Variants in GRIK2 observed in about 807,000 individuals in gnomAD.
The protein encoded by GRIK2 is glutamate ionotropic receptor kainate type subunit 2.
Under a neutral mutation model 100.3 loss-of-function variants are expected in GRIK2, and 32 were observed. The observed-to-expected ratio is 0.32, with a 90% CI of 0.24 to 0.43. The LOEUF is 0.43. Ranked by LOEUF, GRIK2 falls within the 20% of genes least tolerant of loss-of-function variation. GRIK2 has a pLI of 1.00. For synonymous variants in GRIK2, 417 were observed against 389.4 expected, an observed-to-expected ratio of 1.07 and a Z score of -0.83; for missense variants, 843 against 1,114.9, an observed-to-expected ratio of 0.76 and a Z score of 3.47.
At chr6:101,957,282 C>T (rs1211954905) in intron 14 of GRIK2, among the ~76,000 whole-genome samples, 1 of 151,130 alleles carries the variant, frequency 6.6e-6, no homozygotes, top group Non-Finnish European at 1.5e-5. Context: ...TTTTTGGCTG[C>T]TTGTATGTCT....
At chr6:101,812,686 T>C (rs1434931698) in intron 9 of GRIK2, among the ~76,000 whole-genome samples, 1 of 152,044 alleles carries the variant, frequency 6.6e-6, no homozygotes, top group Non-Finnish European at 1.5e-5. Context: ...AGTTAAAATA[T>C]AATATGATAC....
At chr6:101,792,304 G>A (rs560475269) in intron 7 of GRIK2, among the ~76,000 whole-genome samples, 9 of 152,112 alleles carry the variant, frequency 5.9e-5, no homozygotes, top group South Asian at 2.1e-4. Flanking sequence ...TCCTAGTCTC[G>A]ATGGTCTTTA....
intron 14 of GRIK2, among the ~76,000 whole-genome samples, chr6:101,954,769 ACAC>A (rs1791813160): frequency 6.6e-6 from 1 of 152,140 alleles, no homozygotes; most frequent in African/African-American, 2.4e-5. Context: ...AGAAAGGTGT[ACAC>A]TGTTATCTTG....
At chr6:101,691,851 C>T (rs1256614828) in intron 7 of GRIK2, among the ~76,000 whole-genome samples, 1 of 151,886 alleles carries the variant, frequency 6.6e-6, no homozygotes, top group Non-Finnish European at 1.5e-5. Flanking sequence ...GAATTTAGCT[C>T]ATCCACTAAG....
chr6:101,413,285 G>A (rs7754933), intron 2 of GRIK2, among the ~76,000 whole-genome samples: 2,176 of 151,966 alleles, frequency 0.014, 51 homozygotes, highest in African/African-American at 0.051. Flanking sequence ...TGTGTTGGGG[G>A]TGTTATTCTT....
chr6:102,039,052 A>AT (rs1193102893), intron 15 of GRIK2, among the ~76,000 whole-genome samples: 3 of 151,184 alleles, frequency 2.0e-5, no homozygotes, highest in African/African-American at 7.3e-5. Flanking sequence ...CCCCTGCCCC[A>AT]TTTTCCCCCA....
At chr6:101,906,386 T>TGTGTGTGTGTGTGTGTG (rs1377806600) in intron 12 of GRIK2, among the ~76,000 whole-genome samples, 20 of 22,700 alleles carry the variant, frequency 8.8e-4, no homozygotes, top group South Asian at 1.7e-3. Flanking sequence ...GTGTGTGTGT[T>TGTGTGTGTGTGTGTGTG]TGTGTGTGTT....
At chr6:101,964,076 T>C (rs1489556610) in intron 14 of GRIK2, among the ~76,000 whole-genome samples, 1 of 151,012 alleles carries the variant, frequency 6.6e-6, no homozygotes, top group Non-Finnish European at 1.5e-5. Context: ...AAAAAATACA[T>C]ATAATTTGCT....
At chr6:101,853,586 A>G (rs566079476) in intron 10 of GRIK2, among the ~76,000 whole-genome samples, 9 of 152,312 alleles carry the variant, frequency 5.9e-5, no homozygotes, top group Non-Finnish European at 1.0e-4. Context: ...ATCCACCTTG[A>G]TATTTACCCA....
intron 2 of GRIK2, among the ~76,000 whole-genome samples, chr6:101,614,955 AG>A (rs1779828371): frequency 6.6e-6 from 1 of 151,688 alleles, no homozygotes; most frequent in Non-Finnish European, 1.5e-5. Context: ...AGGCTTTAGC[AG>A]TTGACTAATC....
At chr6:101,910,278 A>T (rs1242893255) in intron 12 of GRIK2, among the ~76,000 whole-genome samples, 3 of 151,282 alleles carry the variant, frequency 2.0e-5, no homozygotes, top group African/African-American at 7.3e-5. Flanking sequence ...TATTATAATT[A>T]AACAGTCATT....
chr6:101,715,928 C>CT (rs1233793515), intron 7 of GRIK2, among the ~76,000 whole-genome samples: 3 of 151,750 alleles, frequency 2.0e-5, no homozygotes. Context: ...TAACAAAACT[C>CT]TGTTAGTCAA....
chr6:101,771,739 G>A (rs1446207062), intron 7 of GRIK2, among the ~76,000 whole-genome samples: 1 of 134,560 alleles, frequency 7.4e-6, no homozygotes, highest in Admixed American at 8.7e-5. Context: ...GTGTCCATGT[G>A]TTCTCATTGT....
At chr6:101,614,512 C>A (rs904472678) in intron 2 of GRIK2, among the ~76,000 whole-genome samples, 7 of 151,370 alleles carry the variant, frequency 4.6e-5, no homozygotes, top group African/African-American at 1.7e-4. Flanking sequence ...AAAAATGATA[C>A]CCTAATGTCA....
At chr6:102,063,991 C>A in intron 16 of GRIK2, 2 of 1,558,292 alleles carry the variant, frequency 1.3e-6, no homozygotes, top group Non-Finnish European at 1.8e-6. Flanking sequence ...TGCCACCATA[C>A]CATCCAGACA....
intron 11 of GRIK2, among the ~76,000 whole-genome samples, chr6:101,881,440 C>A (rs940871255): frequency 7.9e-5 from 12 of 151,214 alleles, no homozygotes; most frequent in African/African-American, 2.4e-4. Context: ...TGCTCATGAA[C>A]AATAAAAATG....
chr6:101,956,994 C>T (rs1301653873), intron 14 of GRIK2, among the ~76,000 whole-genome samples: 1 of 151,528 alleles, frequency 6.6e-6, no homozygotes, highest in African/African-American at 2.4e-5. Context: ...GAATTCTTTT[C>T]CTTTGGGTAT....
chr6:101,492,486 A>T (rs1773177550), intron 2 of GRIK2, among the ~76,000 whole-genome samples: 1 of 151,872 alleles, frequency 6.6e-6, no homozygotes, highest in East Asian at 1.9e-4. Flanking sequence ...TTTAAAAAAA[A>T]ATTCTATGAG....
chr6:102,041,443 A>G (rs976023790), intron 15 of GRIK2, among the ~76,000 whole-genome samples: 5 of 151,544 alleles, frequency 3.3e-5, no homozygotes, highest in Non-Finnish European at 7.4e-5. Flanking sequence ...ATGAGGAGTC[A>G]CTCTTATTAG....
Sources: gnomAD v4.1 joint callset for allele counts (sites outside exome capture counted in the v4.1 genomes callset) on GRCh38, gnomAD v4.1.1 for gene constraint, MANE v1.5 for transcripts, NCBI Gene and HGNC (gene_info 2026-07-23, HGNC 2026-07-21) for gene names.